TCF12: variants seen among roughly 807,000 people sequenced by gnomAD.
TCF12 encodes the protein DNA-binding protein HTF4.
TCF12 carries 45 observed loss-of-function variants against 86.0 expected under a neutral mutation model. The ratio of observed to expected loss-of-function variants is 0.52; its 90% CI spans 0.41 to 0.67. The LOEUF is 0.67. Among genes scored for constraint, TCF12 ranks in the 30% least tolerant of loss-of-function variants. The probability of loss-of-function intolerance (pLI) is 0.00; values close to 1 mark genes in which losing one functional copy is unlikely to be tolerated. For missense variants in TCF12, 881 were observed against 859.9 expected (o/e 1.02, Z -0.31); for synonymous variants, 330 against 299.6 (o/e 1.10, Z -1.05).
intron 4 of TCF12, among the ~76,000 whole-genome samples, chr15:57,067,133 A>T (rs1022040555): frequency 6.6e-6 from 1 of 152,206 alleles, no homozygotes; most frequent in Non-Finnish European, 1.5e-5. Context: ...ATCCACCAGA[A>T]AAGTAGCCTC....
chr15:57,215,382 C>T (rs2058290591), intron 8 of TCF12, among the ~76,000 whole-genome samples: 1 of 152,114 alleles, frequency 6.6e-6, no homozygotes, highest in African/African-American at 2.4e-5. Flanking sequence ...CTCACCCCTA[C>T]CTCCCTTGCA....
At chr15:57,007,848 CCCTCCCTTCCTTCCTTCCTT>C (rs2064531830) in intron 3 of TCF12, among the ~76,000 whole-genome samples, 1 of 74,548 alleles carries the variant, frequency 1.3e-5, no homozygotes, top group Non-Finnish European at 2.7e-5. Flanking sequence ...TTCTCTCTTT[CCCTCCCTTCCTTCCTTCCTT>C]CCTTCCTTCC....
intron 3 of TCF12, among the ~76,000 whole-genome samples, chr15:56,955,618 T>A (rs1261312565): frequency 6.6e-6 from 1 of 152,154 alleles, no homozygotes; most frequent in African/African-American, 2.4e-5. Context: ...ATGAATTGAG[T>A]GATTTTAAAT....
chr15:57,155,451 A>G (rs949304111), intron 5 of TCF12, among the ~76,000 whole-genome samples: 3 of 152,172 alleles, frequency 2.0e-5, no homozygotes, highest in African/African-American at 2.4e-5. Context: ...AGACAGCTCA[A>G]TGAAAATTGA....
In TCF12 at chr15:56,921,065, A is replaced by G. The variant is rs974501839; in HGVS notation, c.115A>G (p.Thr39Ala). 1 of 1,609,456 alleles carries G rather than the reference A, an allele frequency of 6.2e-7. No homozygotes were observed. The highest frequency in any genetic ancestry group is 8.5e-7 in the Non-Finnish European group (1 of 1,177,442). The change falls in exon 3 of 21, where the codon ACT (threonine) becomes GCT (alanine). Residue 39 changes from threonine to alanine, a missense_variant. Physicochemically the swap from Thr to Ala is moderately conservative, Grantham distance 58 (BLOSUM62 0). This residue lies in a region of TCF12 where 766 missense variants were observed against 718.9 expected (regional missense o/e 1.07). Transcript: ENST00000333725. Reference protein sequence around the residue: ...PPVNSGKTRPTTLGSSQFSGS... With the variant: ...PPVNSGKTRPATLGSSQFSGS... ...TGTTAATAGTGGGAAAACTAGACCA[A>G]CTACACTGGGAAGCAGTCAATTCAG...
chr15:57,232,917 T>C, intron 11 of TCF12, 61 bp downstream of exon 11: 1 of 1,205,860 alleles, frequency 8.3e-7, no homozygotes, highest in Admixed American at 3.0e-5. Flanking sequence ...GACCCCGATA[T>C]CTTTATATAT....
At chr15:57,150,880 TTCCTTCCTTCCTTCCTTCC>T (rs2053694853) in intron 5 of TCF12, among the ~76,000 whole-genome samples, 1 of 32,250 alleles carries the variant, frequency 3.1e-5, no homozygotes, top group African/African-American at 1.6e-4. Flanking sequence ...TGTCCCTTCC[TTCCTTCCTTCCTTCCTTCC>T]TTCCTTCCTT....
intron 16 of TCF12, among the ~76,000 whole-genome samples, chr15:57,255,123 C>T (rs1412694598): frequency 6.6e-6 from 1 of 152,036 alleles, no homozygotes; most frequent in Non-Finnish European, 1.5e-5. Flanking sequence ...TTTTTTAATT[C>T]TTCACTTTTA....
chr15:57,170,544 A>C (rs1455408084), intron 6 of TCF12, among the ~76,000 whole-genome samples: 1 of 143,222 alleles, frequency 7.0e-6, no homozygotes, highest in African/African-American at 2.6e-5. Flanking sequence ...CATGTGGCCC[A>C]CATAACAAAA....
intron 3 of TCF12, among the ~76,000 whole-genome samples, chr15:56,944,800 T>G (rs1174676108): frequency 1.3e-5 from 2 of 152,138 alleles, no homozygotes; most frequent in Non-Finnish European, 2.9e-5. Context: ...TGATACAGAC[T>G]GTGTAAAAAA....
At chr15:57,047,153 C>T (rs1219619187) in intron 3 of TCF12, among the ~76,000 whole-genome samples, 1 of 152,164 alleles carries the variant, frequency 6.6e-6, no homozygotes, top group Non-Finnish European at 1.5e-5. Flanking sequence ...AAGTATTTTG[C>T]CAGCGTTTTG....
At chr15:57,240,493 C>T (rs767946768) in intron 12 of TCF12, among the ~76,000 whole-genome samples, 1 of 152,094 alleles carries the variant, frequency 6.6e-6, no homozygotes, top group Non-Finnish European at 1.5e-5. Flanking sequence ...ATATTGTAGT[C>T]AAGACATATT....
intron 3 of TCF12, among the ~76,000 whole-genome samples, chr15:56,930,934 G>C (rs1274856258): frequency 6.6e-6 from 1 of 152,068 alleles, no homozygotes; most frequent in Non-Finnish European, 1.5e-5. Context: ...TTTGTAGCGT[G>C]TGACATATAT....
intron 5 of TCF12, among the ~76,000 whole-genome samples, chr15:57,109,815 A>G (rs2050371163): frequency 6.6e-6 from 1 of 152,214 alleles, no homozygotes; most frequent in Non-Finnish European, 1.5e-5. Flanking sequence ...TATTACCATA[A>G]ATCACAGTTG....
At chr15:57,054,292 GTAA>G (rs1253278813) in intron 3 of TCF12, among the ~76,000 whole-genome samples, 2 of 152,118 alleles carry the variant, frequency 1.3e-5, no homozygotes, top group African/African-American at 2.4e-5. Flanking sequence ...ATTGTGTTAG[GTAA>G]TCAGCAAAAA....
At chr15:57,126,145 A>T (rs1320581934) in intron 5 of TCF12, among the ~76,000 whole-genome samples, 1 of 152,172 alleles carries the variant, frequency 6.6e-6, no homozygotes, top group Non-Finnish European at 1.5e-5. Context: ...GGAGGCTGAG[A>T]TGAGAGGATC....
intron 11 of TCF12, among the ~76,000 whole-genome samples, 195 bp from the exon 12 acceptor site, chr15:57,233,848 T>C (rs1430388417): frequency 6.6e-6 from 1 of 152,208 alleles, no homozygotes; most frequent in Non-Finnish European, 1.5e-5. Flanking sequence ...GAAGCTTTTT[T>C]ATTATCATCA....
chr15:57,132,959 G>GA (rs1347476014), intron 5 of TCF12, among the ~76,000 whole-genome samples: 1 of 152,138 alleles, frequency 6.6e-6, no homozygotes, highest in Admixed American at 6.5e-5. Flanking sequence ...AGAATGTGAG[G>GA]AAAACAAAGC....
chr15:56,985,626 A>G (rs2063144956), intron 3 of TCF12, among the ~76,000 whole-genome samples: 1 of 152,190 alleles, frequency 6.6e-6, no homozygotes. Flanking sequence ...AGCCATGTAA[A>G]TTAAGGTTAC....
Sources: gnomAD v4.1 joint callset for allele counts (sites outside exome capture counted in the v4.1 genomes callset) on GRCh38, gnomAD v4.1.1 for gene constraint, gnomAD v4.1.1 regional missense constraint, MANE v1.5 for transcripts, NCBI Gene and HGNC (gene_info 2026-07-23, HGNC 2026-07-21) for gene names.